TRPM3: variants seen among roughly 807,000 people sequenced by gnomAD.
The protein encoded by TRPM3 is transient receptor potential cation channel subfamily M member 3.
TRPM3 carries 77 observed loss-of-function variants against 181.2 expected under a neutral mutation model. The ratio of observed to expected loss-of-function variants is 0.42; its 90% CI spans 0.35 to 0.51. The LOEUF (loss-of-function observed/expected upper bound fraction) is 0.51. TRPM3 is among the 20% of genes least tolerant of loss of function. The pLI, the probability that TRPM3 is intolerant of heterozygous loss-of-function variation, is 0.01. For missense variants in TRPM3, 1,759 were observed against 2,196.7 expected, an observed-to-expected ratio of 0.80 and a Z score of 3.98; for synonymous variants, 745 against 796.4, an observed-to-expected ratio of 0.94 and a Z score of 1.09.
chr9:70,687,482 C>T (rs1375441690), intron 8 of TRPM3, among the ~76,000 whole-genome samples: 2 of 152,134 alleles, frequency 1.3e-5, no homozygotes, highest in African/African-American at 4.8e-5. Flanking sequence ...TTGATCTTAT[C>T]AAAGCACTAT....
intron 6 of TRPM3, among the ~76,000 whole-genome samples, chr9:70,808,404 A>G (rs2091167493): frequency 6.6e-6 from 1 of 152,232 alleles, no homozygotes; most frequent in South Asian, 2.1e-4. Context: ...AATGTAGAAA[A>G]GTCTCTTTGC....
At chr9:70,874,357 A>G (rs1403740648) in intron 1 of TRPM3, among the ~76,000 whole-genome samples, 1 of 151,976 alleles carries the variant, frequency 6.6e-6, no homozygotes, top group Non-Finnish European at 1.5e-5. Context: ...TCTTAATAAC[A>G]TTGTATGGTA....
intron 1 of TRPM3, 101 bp downstream of exon 1, chr9:71,121,076 AT>A: frequency 3.3e-6 from 4 of 1,200,542 alleles, no homozygotes; most frequent in Non-Finnish European, 4.7e-6. Context: ...TACTGCATGC[AT>A]TTAGGCTCCC....
At chr9:70,617,214 C>T (rs909793771) in intron 17 of TRPM3, among the ~76,000 whole-genome samples, 3 of 152,154 alleles carry the variant, frequency 2.0e-5, no homozygotes, top group Non-Finnish European at 1.5e-5. Context: ...GACATGACAC[C>T]CTGTCCTCGG....
intron 1 of TRPM3, among the ~76,000 whole-genome samples, chr9:70,992,964 G>A (rs1417038283): frequency 6.6e-6 from 1 of 152,154 alleles, no homozygotes; most frequent in Non-Finnish European, 1.5e-5. Flanking sequence ...AGAAATGATA[G>A]GAGAACTCTA....
At chr9:70,907,254 G>C (rs976328194) in intron 1 of TRPM3, among the ~76,000 whole-genome samples, 1 of 152,160 alleles carries the variant, frequency 6.6e-6, no homozygotes, top group Non-Finnish European at 1.5e-5. Context: ...CACCCCATGT[G>C]CATGTTGCAT....
At chr9:70,673,882 G>A (rs531432033) in intron 9 of TRPM3, among the ~76,000 whole-genome samples, 2 of 150,486 alleles carry the variant, frequency 1.3e-5, no homozygotes, top group African/African-American at 4.9e-5. Flanking sequence ...CTGGGAGATG[G>A]AGGTTGCAGT....
intron 1 of TRPM3, among the ~76,000 whole-genome samples, chr9:70,886,172 T>C (rs944416306): frequency 2.6e-5 from 4 of 152,100 alleles, no homozygotes; most frequent in Non-Finnish European, 5.9e-5. Flanking sequence ...CAGTTATTAA[T>C]AAGCAGGCCA....
intron 1 of TRPM3, among the ~76,000 whole-genome samples, chr9:71,206,403 G>A (rs2079124536): frequency 6.6e-6 from 1 of 152,030 alleles, no homozygotes. Context: ...CTTTCGAAAA[G>A]TTTCTGTTCA....
chr9:71,079,952 C>T (rs1413970280), intron 1 of TRPM3, among the ~76,000 whole-genome samples: 2 of 152,066 alleles, frequency 1.3e-5, no homozygotes, highest in East Asian at 3.9e-4. Flanking sequence ...GGGCAGATCA[C>T]CTGAGGTTGG....
chr9:71,269,833 T>C (rs2083657953), intron 1 of TRPM3, among the ~76,000 whole-genome samples: 1 of 152,120 alleles, frequency 6.6e-6, no homozygotes, highest in Non-Finnish European at 1.5e-5. Flanking sequence ...GAATAGGAGG[T>C]CAGAACTAAT....
At chr9:70,862,837 C>A in intron 3 of TRPM3, 71 bp downstream of exon 3, 2 of 1,519,322 alleles carry the variant, frequency 1.3e-6, no homozygotes, top group Non-Finnish European at 1.8e-6. Flanking sequence ...ATTTCATGCT[C>A]TTAACCACCC....
chr9:71,328,339 A>C (rs1018528556), intron 1 of TRPM3, among the ~76,000 whole-genome samples: 2 of 151,390 alleles, frequency 1.3e-5, no homozygotes, highest in Admixed American at 1.3e-4. Context: ...AATTTTTTGT[A>C]TTTTTTTTAG....
chr9:70,757,512 C>A (rs537553726), intron 8 of TRPM3, among the ~76,000 whole-genome samples: 4 of 152,150 alleles, frequency 2.6e-5, no homozygotes, highest in African/African-American at 4.8e-5. Flanking sequence ...GATACCAAAA[C>A]CTGGCAGAGA....
intron 1 of TRPM3, among the ~76,000 whole-genome samples, chr9:71,233,854 G>T (rs1347677803): frequency 6.6e-6 from 1 of 152,178 alleles, no homozygotes; most frequent in Non-Finnish European, 1.5e-5. Flanking sequence ...CCTTTAATCA[G>T]ACTGAATAAA....
At chr9:71,319,745 T>C (rs2089018756) in intron 1 of TRPM3, among the ~76,000 whole-genome samples, 1 of 152,102 alleles carries the variant, frequency 6.6e-6, no homozygotes, top group African/African-American at 2.4e-5. Context: ...AATGTTACCC[T>C]TAGCCTCAGA....
intron 1 of TRPM3, among the ~76,000 whole-genome samples, chr9:71,159,809 T>G (rs1054489486): frequency 1.3e-5 from 2 of 152,152 alleles, no homozygotes; most frequent in African/African-American, 4.8e-5. Context: ...TTTTAAATCA[T>G]GTGGAGATTA....
chr9:71,010,969 T>C (rs994394213), intron 1 of TRPM3, among the ~76,000 whole-genome samples: 2 of 150,916 alleles, frequency 1.3e-5, no homozygotes, highest in African/African-American at 2.4e-5. Context: ...ACATAAATAG[T>C]ATTCAGCCAT....
At chr9:70,612,850 A>C (rs2062185180) in intron 18 of TRPM3, among the ~76,000 whole-genome samples, 1 of 152,194 alleles carries the variant, frequency 6.6e-6, no homozygotes, top group South Asian at 2.1e-4. Context: ...TATATGCTTG[A>C]GAATCTAATG....
Sources: gnomAD v4.1 joint callset for allele counts (sites outside exome capture counted in the v4.1 genomes callset) on GRCh38, gnomAD v4.1.1 for gene constraint, MANE v1.5 for transcripts, NCBI Gene and HGNC (gene_info 2026-07-23, HGNC 2026-07-21) for gene names.